The following CCDC38 variants were observed in gnomAD, a reference collection of about 807,000 sequenced individuals.
CCDC38 encodes coiled-coil domain-containing protein 38.
A neutral mutation model predicts 72.8 loss-of-function variants in CCDC38; 69 were observed. The ratio of observed to expected loss-of-function variants is 0.95; its 90% CI spans 0.78 to 1.16. The LOEUF (loss-of-function observed/expected upper bound fraction) is 1.16. Ranked by LOEUF, CCDC38 falls within the 50% of genes most tolerant of loss-of-function variation. The probability of loss-of-function intolerance (pLI) is 0.00; values close to 1 mark genes in which losing one functional copy is unlikely to be tolerated. For synonymous variants in CCDC38, 201 were observed against 213.2 expected (o/e 0.94, Z 0.50); for missense variants, 626 against 638.9 (o/e 0.98, Z 0.22).
chr12:95,888,529 G>C, intron 9 of CCDC38, 23 bp from the exon 10 acceptor site: 2 of 1,612,930 alleles, frequency 1.2e-6, no homozygotes, highest in Non-Finnish European at 1.7e-6. Context: ...TCCAGGTGAG[G>C]CCATGCCGTT....
rs1226782332 is a variant in CCDC38 at position 95,908,674 on chromosome 12, A to G, written c.305-2223T>C. Among the ~76,000 whole-genome samples the G allele has an allele frequency of 4.8e-5, 4 of 83,244 alleles. 1 individual carries two copies. The highest frequency in any genetic ancestry group is 9.6e-5 in the Non-Finnish European group (4 of 41,568). 54.6% of individuals were successfully genotyped at this position (83,244 alleles called of 152,430 possible). On this transcript the variant is annotated intron_variant, in intron 4 of 15. Coordinates refer to ENST00000344280, the MANE Select transcript of CCDC38 (RefSeq NM_182496.3). Reference sequence around the variant, plus strand: ...GGAGAGGGAGGAGAGGGAGAGGGAGAGGGAGAGGGGGCTGTCAAAATTCTT... The same window carrying G: ...GGAGAGGGAGGAGAGGGAGAGGGAGGGGGAGAGGGGGCTGTCAAAATTCTT...
chr12:95,936,123 AAATAGGCAGAAG>A, intron 2 of CCDC38, among the ~76,000 whole-genome samples: 1 of 152,070 alleles, frequency 6.6e-6, no homozygotes, highest in African/African-American at 2.4e-5. Flanking sequence ...TAAAAATAAA[AAATAGGCAGAAG>A]GATAAGATGA....
At chr12:95,942,930 C>CT (rs869096862), upstream of CCDC38, 4 of 54,456 alleles carry the variant, frequency 7.3e-5, no homozygotes, top group African/African-American at 4.2e-4. Flanking sequence ...CCCACCCCAA[C>CT]CCCCCGGGCA....
intron 4 of CCDC38, among the ~76,000 whole-genome samples, chr12:95,912,462 G>T (rs1418163786): frequency 6.6e-6 from 1 of 152,154 alleles, no homozygotes; most frequent in Non-Finnish European, 1.5e-5. Context: ...AGCAGGGAAG[G>T]ATGGGGGTGG....
intron 2 of CCDC38, among the ~76,000 whole-genome samples, chr12:95,925,630 G>A (rs2080261543): frequency 6.6e-6 from 1 of 152,100 alleles, no homozygotes; most frequent in South Asian, 2.1e-4. Context: ...GTTTTCAAAG[G>A]GAATGCTTCC....
In CCDC38 at chr12:95,898,716, T is replaced by A. The variant is rs752887561; in HGVS notation, c.385A>T (p.Lys129Ter). 1 of 1,613,776 alleles carries A rather than the reference T, an allele frequency of 6.2e-7. No individual in the cohort carries two copies. The highest frequency in any genetic ancestry group is 1.7e-5 in the Admixed American group (1 of 59,880). ...RFLLEYALST[K>*]RNTIKKFEKD... Reference sequence around the variant, plus strand: ...TCAAACTTTTTGATTGTGTTTCTTTTGGTTGACAAAGCATACTAGGGGCAT... The same window carrying A: ...TCAAACTTTTTGATTGTGTTTCTTTAGGTTGACAAAGCATACTAGGGGCAT... The change falls in exon 6 of 16, where the codon AAA (lysine) becomes TAA (stop). Residue 129 changes from lysine (K) to a stop codon, truncating the protein, a stop_gained. Transcript: ENST00000344280. LOFTEE classifies it high-confidence loss of function.
At chr12:95,880,363 G>C (rs1031323414) in intron 11 of CCDC38, among the ~76,000 whole-genome samples, 3 of 152,116 alleles carry the variant, frequency 2.0e-5, no homozygotes, top group African/African-American at 7.2e-5. Flanking sequence ...AGCTTCAAAA[G>C]GAAAGAAATT....
chr12:95,914,539 T>C (rs989192731), intron 4 of CCDC38, among the ~76,000 whole-genome samples: 1 of 152,142 alleles, frequency 6.6e-6, no homozygotes, highest in South Asian at 2.1e-4. Context: ...ATTTCACCCA[T>C]AAATACTTTA....
intron 9 of CCDC38, among the ~76,000 whole-genome samples, chr12:95,890,014 C>T (rs1430208809): frequency 6.6e-6 from 1 of 152,038 alleles, no homozygotes; most frequent in African/African-American, 2.4e-5. Context: ...TGGGCTCAAG[C>T]GATCCTCCTA....
intron 10 of CCDC38, 89 bp from the exon 11 acceptor site, chr12:95,881,643 A>T: frequency 1.1e-6 from 1 of 950,444 alleles, no homozygotes; most frequent in Non-Finnish European, 1.6e-6. Context: ...TGTCGTTGGA[A>T]CCCAACTGTA....
intron 13 of CCDC38, among the ~76,000 whole-genome samples, chr12:95,873,734 G>C (rs532433567): frequency 6.6e-6 from 1 of 152,260 alleles, no homozygotes; most frequent in South Asian, 2.1e-4. Flanking sequence ...TAACACTCAA[G>C]AGAGAGGTGG....
Position 95,890,110 on chromosome 12 carries a change from C to T in CCDC38, c.871+722G>A, listed in dbSNP as rs1423304398. Among the ~76,000 whole-genome samples, 3 of 152,020 alleles carry T rather than the reference C, an allele frequency of 2.0e-5. No individual in the cohort carries two copies. The East Asian group carries it at 5.8e-4, about 29-fold the overall frequency. The stretch of plus-strand genomic sequence containing the variant: ...TATTTTTGGCAGATATGGGTTTTTT[C>T]CATGCTGCCCAGGCTTGTCTTGAAT... On this transcript the variant is annotated intron_variant, in intron 9 of 15. Coordinates refer to ENST00000344280, the MANE Select transcript of CCDC38 (RefSeq NM_182496.3).
intron 10 of CCDC38, among the ~76,000 whole-genome samples, chr12:95,883,228 A>T (rs960682288): frequency 6.6e-6 from 1 of 152,088 alleles, no homozygotes; most frequent in African/African-American, 2.4e-5. Context: ...CCACCATTTC[A>T]TTCTCTAAAA....
chr12:95,919,315 T>A, intron 2 of CCDC38: 1 of 359,704 alleles, frequency 2.8e-6, no homozygotes, highest in Admixed American at 3.8e-5. Context: ...GCATTTGCCT[T>A]ATTTGAACAC....
At chr12:95,882,224 C>T (rs2079708668) in intron 10 of CCDC38, among the ~76,000 whole-genome samples, 1 of 152,110 alleles carries the variant, frequency 6.6e-6, no homozygotes, top group Non-Finnish European at 1.5e-5. Flanking sequence ...AGGTCATTAA[C>T]ACTTTCAGAT....
rs577456864 is a variant in CCDC38 at position 95,911,218 on chromosome 12, A to G, written c.305-4767T>C. On this transcript the variant is annotated intron_variant, in intron 4 of 15. Coordinates refer to ENST00000344280, the MANE Select transcript of CCDC38 (RefSeq NM_182496.3). ...GAATGAAACTAGATCCCTTCATCTT[A>G]CCATATACAAAAATTAACTCAAGAG... is the stretch of plus-strand genomic sequence containing the variant. 2.0e-4 allele frequency among the ~76,000 whole-genome samples: 30 copies of G among 152,326 alleles called. No homozygotes were observed. The South Asian group carries it at 5.6e-3, about 28-fold the overall frequency.
At chr12:95,934,256 A>T (rs2080367422) in intron 2 of CCDC38, 1 of 152,138 alleles carries the variant, frequency 6.6e-6, no homozygotes, top group Non-Finnish European at 1.5e-5. Flanking sequence ...AAGCCAAGGG[A>T]TAGGGTATGT....
intron 10 of CCDC38, 115 bp downstream of exon 10, chr12:95,888,343 G>C (rs931703656): frequency 2.2e-6 from 2 of 897,896 alleles, no homozygotes; most frequent in African/African-American, 3.3e-5. Flanking sequence ...ACTACTTCCA[G>C]GATCTCTTAC....
chr12:95,909,057 C>T (rs747892704), intron 4 of CCDC38, among the ~76,000 whole-genome samples: 4 of 151,842 alleles, frequency 2.6e-5, no homozygotes, highest in African/African-American at 9.7e-5. Context: ...CAGAGCAGAA[C>T]TAAATGAAAT....
Sources: gnomAD v4.1 joint callset for allele counts (sites outside exome capture counted in the v4.1 genomes callset) on GRCh38, gnomAD v4.1.1 for gene constraint, MANE v1.5 for transcripts, NCBI Gene and HGNC (gene_info 2026-07-23, HGNC 2026-07-21) for gene names.